Variants in ILDR2 observed in about 807,000 individuals in gnomAD.
The protein encoded by ILDR2 is immunoglobulin like domain containing receptor 2.
ILDR2 carries 25 observed loss-of-function variants against 66.8 expected under a neutral mutation model. The ratio of observed to expected loss-of-function variants is 0.37; its 90% CI spans 0.27 to 0.52. ILDR2 has a LOEUF of 0.52. Ranked by LOEUF, ILDR2 falls within the 20% of genes least tolerant of loss-of-function variation. ILDR2 has a pLI of 0.88. For missense variants in ILDR2, 827 were observed against 876.8 expected (o/e 0.94, Z 0.72); for synonymous variants, 367 against 357.2 (o/e 1.03, Z -0.31).
In ILDR2 at chr1:166,918,663, A is replaced by C. The variant is rs1214758926; in HGVS notation, c.*692T>G. The C allele has an allele frequency of 1.3e-5, 2 of 152,334 alleles. No homozygotes were observed. The highest frequency in any genetic ancestry group is 4.8e-5 in the African/African-American group (2 of 41,472). 9.4% of individuals were successfully genotyped at this position (152,334 alleles called of 1,614,324 possible). ...AAAGGAAAAAGCAGTTTACGTTCTCAGAATGGAAAAGGAAATACCACTTAG... is the reference window on the plus strand; with the variant it reads ...AAAGGAAAAAGCAGTTTACGTTCTCCGAATGGAAAAGGAAATACCACTTAG... On this transcript the variant is annotated 3_prime_UTR_variant, in exon 10 of 10. Coordinates refer to ENST00000271417, the MANE Select transcript of ILDR2 (RefSeq NM_199351.3).
intron 8 of ILDR2, 62 bp downstream of exon 8, chr1:166,922,531 C>T: frequency 7.2e-7 from 1 of 1,379,456 alleles, no homozygotes; most frequent in Non-Finnish European, 1.0e-6. Flanking sequence ...TGCCTCCGAT[C>T]TACCCTGCCT....
chr1:166,964,578 G>A (rs566610702), intron 1 of ILDR2, among the ~76,000 whole-genome samples: 1 of 152,156 alleles, frequency 6.6e-6, no homozygotes. Flanking sequence ...CTTAGCAGGT[G>A]GTCCCCAGCT....
At chr1:166,953,574 C>T (rs796468417) in intron 3 of ILDR2, among the ~76,000 whole-genome samples, 1 of 152,172 alleles carries the variant, frequency 6.6e-6, no homozygotes, top group Non-Finnish European at 1.5e-5. Context: ...TTTTTCTTCA[C>T]TCTTGAGGGA....
At position 166,920,957 on chromosome 1, in the gene ILDR2, C is replaced by A. The variant is rs767610687; in HGVS notation, c.1634G>T (p.Gly545Val). The change falls in exon 9 of 10, where the codon GGT becomes GTT. Residue 545 changes from glycine to valine, a missense_variant. This residue lies in a region of ILDR2 where 390 missense variants were observed against 353.6 expected (regional missense o/e 1.10). Transcript: ENST00000271417. ...CTTGGATGGCGTCTCCAGGCTGCCACCGCGGCTGGCGCCCTCGGGCCGCGC... is the reference window on the plus strand; with the variant it reads ...CTTGGATGGCGTCTCCAGGCTGCCAACGCGGCTGGCGCCCTCGGGCCGCGC... ...RQARPEGASR[G>V]GSLETPSKRS... 6.7e-7 allele frequency: 1 copy of A among 1,484,120 alleles called. No homozygotes were observed. Among genetic ancestry groups the A allele is most frequent in the Non-Finnish European group, 8.9e-7 (1 of 1,127,602 alleles). 91.9% of individuals were successfully genotyped at this position (1,484,120 alleles called of 1,614,324 possible). A position where few individuals can be genotyped will look rare whatever the true frequency, so the allele number is the denominator to read the frequency against.
intron 3 of ILDR2, among the ~76,000 whole-genome samples, chr1:166,944,948 G>T (rs894866756): frequency 6.6e-6 from 1 of 152,132 alleles, no homozygotes; most frequent in Non-Finnish European, 1.5e-5. Flanking sequence ...ATCTCCAGAA[G>T]CCCAGCGTGA....
At chr1:166,958,635 C>T (rs1403873036) in intron 1 of ILDR2, among the ~76,000 whole-genome samples, 3 of 152,126 alleles carry the variant, frequency 2.0e-5, no homozygotes, top group South Asian at 2.1e-4. Context: ...AGTGTGAGAG[C>T]GGACCAATAC....
chr1:166,942,305 A>G lies in ILDR2; in HGVS notation c.500-2735T>C, dbSNP rs112327900. Among the ~76,000 whole-genome samples the G allele has an allele frequency of 7.4e-4, 112 of 152,372 alleles. 1 individual carries two copies. Among genetic ancestry groups the G allele is most frequent in the African/African-American group, 2.6e-3 (109 of 41,592 alleles). ...ATTGGAGTTAAAAACTCAAATGTCT[A>G]TGGGCACCAGCAGGTAATGCAAATG... is the stretch of plus-strand genomic sequence containing the variant. On this transcript the variant is annotated intron_variant, in intron 3 of 9. Coordinates refer to ENST00000271417, the MANE Select transcript of ILDR2 (RefSeq NM_199351.3).
Position 166,936,283 on chromosome 1 carries a change from C to A in ILDR2, c.703+308G>T, listed in dbSNP as rs1228827324. Reference sequence around the variant, plus strand: ...GTTTGAATGCCCCAGGGAGAGGGAACAGTCTTACACCACAACCTCACCACG... The same window carrying A: ...GTTTGAATGCCCCAGGGAGAGGGAAAAGTCTTACACCACAACCTCACCACG... On this transcript the variant is annotated intron_variant, in intron 5 of 9. Coordinates refer to ENST00000271417, the MANE Select transcript of ILDR2 (RefSeq NM_199351.3). The surrounding 1 kb of genome is among the most constrained non-coding windows in gnomAD (Gnocchi z 5.0). Among the ~76,000 whole-genome samples, 1 of 152,204 alleles carries A rather than the reference C, an allele frequency of 6.6e-6. No homozygotes were observed. Among genetic ancestry groups the A allele is most frequent in the African/African-American group, 2.4e-5 (1 of 41,450 alleles).
chr1:166,921,279 C>T lies in ILDR2; in HGVS notation c.1312G>A (p.Gly438Ser), dbSNP rs746431410. The change falls in exon 9 of 10, where the codon GGC (glycine) becomes AGC (serine). Residue 438 changes from glycine (G) to serine (S), a missense_variant. By Grantham distance (56) the Gly-to-Ser change is moderately conservative. Around this residue, in one of 2 missense-constraint regions of ILDR2, gnomAD observed 390 missense variants for 353.6 expected, o/e 1.10. Transcript: ENST00000271417. This position sits in a 1 kb window ranked among gnomAD's most constrained non-coding sequence, Gnocchi z 5.3. ...DELAAFADSY[G>S]QRPRRADGNS... Reference sequence around the variant, plus strand: ...CCGTCTGCCCGGCGGGGCCGCTGGCCGTAGGAGTCAGCGAAGGCCGCCAGC... The same window carrying T: ...CCGTCTGCCCGGCGGGGCCGCTGGCTGTAGGAGTCAGCGAAGGCCGCCAGC... 1.2e-6 allele frequency: 2 copies of T among 1,600,012 alleles called. No individual in the cohort carries two copies. Among genetic ancestry groups the T allele is most frequent in the Non-Finnish European group, 1.7e-6 (2 of 1,174,244 alleles).
rs1352971678 is a variant in ILDR2, at chr1:166,915,080, T to C, written c.*4275A>G. On this transcript the variant is annotated 3_prime_UTR_variant, in exon 10 of 10. Transcript: ENST00000271417. ...AAATATATCAAGAGAATGAGAAAAT[T>C]ACCTGTAATTCTTGTTGTCTGTTCT... is the stretch of plus-strand genomic sequence containing the variant. The C allele has an allele frequency of 2.0e-5, 3 of 152,230 alleles. No individual in the cohort carries two copies. Among genetic ancestry groups the C allele is most frequent in the Non-Finnish European group, 4.4e-5 (3 of 68,036 alleles). 9.4% of individuals were successfully genotyped at this position (152,230 alleles called of 1,614,324 possible). A position where few individuals can be genotyped will look rare whatever the true frequency, so the allele number is the denominator to read the frequency against.
At chr1:166,956,662 A>G (rs1662301325) in intron 3 of ILDR2, 71 bp downstream of exon 3, 1 of 1,557,120 alleles carries the variant, frequency 6.4e-7, no homozygotes, top group Non-Finnish European at 8.7e-7. Flanking sequence ...GGGAGAAGTG[A>G]GAAGAGGGAT....
chr1:166,968,653 C>T (rs1663103009), intron 1 of ILDR2, among the ~76,000 whole-genome samples: 1 of 152,124 alleles, frequency 6.6e-6, no homozygotes, highest in Admixed American at 6.5e-5. Flanking sequence ...ACATGACTTG[C>T]TTTGGTCAAT....
At position 166,918,681 on chromosome 1, in the gene ILDR2, C is replaced by T. The variant is rs1659733739; in HGVS notation, c.*674G>A. 1 of 152,320 alleles carries T rather than the reference C, an allele frequency of 6.6e-6. No individual in the cohort carries two copies. The highest frequency in any genetic ancestry group is 2.1e-4 in the South Asian group (1 of 4,832). 9.4% of individuals were successfully genotyped at this position (152,320 alleles called of 1,614,324 possible). A position where few individuals can be genotyped will look rare whatever the true frequency, so the allele number is the denominator to read the frequency against. ...CGTTCTCAGAATGGAAAAGGAAATA[C>T]CACTTAGACAGCTTTTCAAAAAGGT... On this transcript the variant is annotated 3_prime_UTR_variant, in exon 10 of 10. Coordinates refer to ENST00000271417, the MANE Select transcript of ILDR2 (RefSeq NM_199351.3).
At chr1:166,901,745 T>C (rs1204666940) in intron 2 of ILDR2, among the ~76,000 whole-genome samples, 1 of 152,150 alleles carries the variant, frequency 6.6e-6, no homozygotes, top group African/African-American at 2.4e-5. Context: ...CTTCCCTAGT[T>C]CCCCCACAAG....
intron 3 of ILDR2, among the ~76,000 whole-genome samples, chr1:166,950,726 TACACACAC>T (rs57212569): frequency 1.8e-4 from 26 of 146,712 alleles, no homozygotes; most frequent in Non-Finnish European, 2.9e-4. Flanking sequence ...TGATCTAAAA[TACACACAC>T]ACACACACAC....
At chr1:166,931,801 C>G (rs1340835760) in intron 6 of ILDR2, among the ~76,000 whole-genome samples, 1 of 152,090 alleles carries the variant, frequency 6.6e-6, no homozygotes, top group Non-Finnish European at 1.5e-5. Context: ...CTGGTTTGGG[C>G]TAAAAGGTGG....
intron 3 of ILDR2, among the ~76,000 whole-genome samples, chr1:166,953,786 C>G (rs941457260): frequency 1.3e-5 from 2 of 152,184 alleles, no homozygotes; most frequent in African/African-American, 4.8e-5. Context: ...ACTTTTTAAA[C>G]CAAGAACTTT....
chr1:166,898,586 A>T (rs757300138), intron 2 of ILDR2, among the ~76,000 whole-genome samples: 7 of 152,118 alleles, frequency 4.6e-5, no homozygotes, highest in Non-Finnish European at 8.8e-5. Flanking sequence ...TCATCTGACA[A>T]TCTTTCCACC....
intron 1 of ILDR2, among the ~76,000 whole-genome samples, chr1:166,971,108 G>T (rs1663262401): frequency 6.6e-6 from 1 of 152,118 alleles, no homozygotes; most frequent in Admixed American, 6.5e-5. Context: ...CTGCAGGCTG[G>T]GTTGGGGGCC....
Sources: gnomAD v4.1 joint callset for allele counts (sites outside exome capture counted in the v4.1 genomes callset) on GRCh38, gnomAD v4.1.1 for gene constraint, gnomAD v4.1.1 regional missense constraint, Gnocchi (gnomAD v3.1) non-coding constraint, MANE v1.5 for transcripts, NCBI Gene and HGNC (gene_info 2026-07-23, HGNC 2026-07-21) for gene names.